CCDC171: variants seen among roughly 807,000 people sequenced by gnomAD.
CCDC171 encodes the protein coiled-coil domain-containing protein 171.
CCDC171 carries 177 observed loss-of-function variants against 168.2 expected under a neutral mutation model. The observed-to-expected ratio is 1.05, with a 90% CI of 0.93 to 1.19. The LOEUF is 1.19. Among genes scored for constraint, CCDC171 ranks in the 50% most tolerant of loss-of-function variants. The pLI is 0.00. For missense variants in CCDC171, 1,991 were observed against 1,539.0 expected, an observed-to-expected ratio of 1.29 and a Z score of -4.91; for synonymous variants, 687 against 540.8, an observed-to-expected ratio of 1.27 and a Z score of -3.75.
At chr9:16,006,944 C>A (rs916988371) in intron 3 of CCDC171, among the ~76,000 whole-genome samples, 3 of 152,170 alleles carry the variant, frequency 2.0e-5, no homozygotes, top group African/African-American at 7.2e-5. Context: ...TGGGTATATA[C>A]CCAGTAATGG....
At chr9:15,939,215 A>G (rs572230694) in intron 25 of CCDC171, among the ~76,000 whole-genome samples, 25 of 151,572 alleles carry the variant, frequency 1.6e-4, no homozygotes, top group African/African-American at 4.8e-4. Context: ...TATTCTCACT[A>G]TTTCATGGTA....
intron 22 of CCDC171, 25 bp downstream of exon 22, chr9:15,846,872 T>C (rs556332682): frequency 1.3e-6 from 2 of 1,584,558 alleles, no homozygotes; most frequent in Non-Finnish European, 8.6e-7. Flanking sequence ...CTTGGGGAGA[T>C]CACTTAAAAC....
At chr9:15,854,440 A>T (rs2061268944) in intron 23 of CCDC171, among the ~76,000 whole-genome samples, 1 of 151,284 alleles carries the variant, frequency 6.6e-6, no homozygotes, top group African/African-American at 2.4e-5. Context: ...TAATGTCCTC[A>T]TTTTTATTTC....
intron 7 of CCDC171, among the ~76,000 whole-genome samples, chr9:15,647,537 A>G (rs1438589939): frequency 6.6e-6 from 1 of 152,196 alleles, no homozygotes; most frequent in African/African-American, 2.4e-5. Flanking sequence ...AGAATCAAAT[A>G]GACACAATAA....
chr9:15,724,988 G>T lies in CCDC171; in HGVS notation c.1692+12G>T, dbSNP rs751898287. 39 of 1,596,450 alleles carry T rather than the reference G, an allele frequency of 2.4e-5. No individual in the cohort carries two copies. The South Asian group carries it at 4.1e-4, about 17-fold the overall frequency. On this transcript the variant is annotated intron_variant, in intron 14 of 25. Coordinates refer to ENST00000380701, the MANE Select transcript of CCDC171 (RefSeq NM_173550.4). ...ATAAGGATGCAGAGGTATTACCTGA[G>T]ACTCAATGACTGTCAGGAAGGGCCT...
rs540869147 is a variant in CCDC171 at position 15,744,614 on chromosome 9, G to T, written c.2391G>T (p.Leu797Phe). The T allele has an allele frequency of 6.2e-7, 1 of 1,614,160 alleles. No individual in the cohort carries two copies. Among genetic ancestry groups the T allele is most frequent in the Admixed American group, 1.7e-5 (1 of 60,006 alleles). ...TGAAAAAGAAAACATTCAAAGGATT[G>T]ATACGTATATTTCGGAAAGGTGTTA... is the stretch of plus-strand genomic sequence containing the variant. The part of the protein sequence containing the change: ...AKMKKKTFKG[L>F]IRIFRKGVIA... The change falls in exon 17 of 26, where the codon TTG (leucine) becomes TTT (phenylalanine). Residue 797 changes from leucine (L) to phenylalanine (F), a missense_variant. By Grantham distance (22) the Leu-to-Phe change is conservative (BLOSUM62 0). Coordinates refer to ENST00000380701, the MANE Select transcript of CCDC171 (RefSeq NM_173550.4).
chr9:15,675,308 G>A (rs1304084478), intron 9 of CCDC171, among the ~76,000 whole-genome samples: 2 of 150,256 alleles, frequency 1.3e-5, no homozygotes, highest in African/African-American at 4.9e-5. Flanking sequence ...CACACTGATG[G>A]GTCTTGACTC....
intron 3 of CCDC171, among the ~76,000 whole-genome samples, chr9:16,012,839 G>A (rs1225703269): frequency 6.6e-6 from 1 of 152,084 alleles, no homozygotes; most frequent in African/African-American, 2.4e-5. Context: ...TGCTGTGCAT[G>A]GGTGGAGAGG....
In CCDC171 at chr9:15,784,808, C is replaced by T. The variant is rs891423530; in HGVS notation, c.3267+114C>T. 4.0e-6 allele frequency: 3 copies of T among 758,878 alleles called. No individual in the cohort carries two copies. The African/African-American group carries it at 5.4e-5, about 14-fold the overall frequency. 47.0% of individuals were successfully genotyped at this position (758,878 alleles called of 1,614,324 possible). On this transcript the variant is annotated intron_variant, in intron 21 of 25. Transcript: ENST00000380701. ...AGATCCCAAGATGTAAAATTTTATTCTATGAGGATAGAATGAAACATGTTT... is the reference window on the plus strand; with the variant it reads ...AGATCCCAAGATGTAAAATTTTATTTTATGAGGATAGAATGAAACATGTTT...
intron 16 of CCDC171, among the ~76,000 whole-genome samples, chr9:15,742,529 T>C (rs1440180797): frequency 6.6e-6 from 1 of 152,218 alleles, no homozygotes; most frequent in East Asian, 1.9e-4. Context: ...AAGAGGGTTG[T>C]CGCACATCCT....
intron 25 of CCDC171, among the ~76,000 whole-genome samples, chr9:15,926,061 G>A (rs537871704): frequency 7.6e-6 from 1 of 131,562 alleles, no homozygotes; most frequent in Non-Finnish European, 1.8e-5. Flanking sequence ...ACAAAAATAG[G>A]CATATAAAAA....
In CCDC171 at chr9:15,733,899, C is replaced by G. The variant is rs374842410; in HGVS notation, c.2049+4101C>G. On this transcript the variant is annotated intron_variant, in intron 16 of 25. Transcript: ENST00000380701. ...TCCCCCACCTCAGCCTCCCAAGTAG[C>G]TGGGACTGTAGGCATGCACTACCAT... Among the ~76,000 whole-genome samples the G allele has an allele frequency of 2.6e-5, 4 of 152,222 alleles. 1 individual carries two copies. The highest frequency in any genetic ancestry group is 1.3e-4 in the Admixed American group (2 of 15,294).
rs150434235 is a variant in CCDC171, at chr9:15,684,775, TTAAAGA to T, written c.1215+5882_1215+5887del. The stretch of plus-strand genomic sequence containing the variant: ...TTTGTTATCTCATTTTTCTTTCTGG[TTAAAGA>T]TATTTTTTAACCAACATTGACTCCT... On this transcript the variant is annotated intron_variant, in intron 10 of 25. Transcript: ENST00000380701. Among the ~76,000 whole-genome samples, 1,277 of 152,310 alleles carry T rather than the reference TTAAAGA, an allele frequency of 8.4e-3. 17 individuals are homozygous for T. The highest frequency in any genetic ancestry group is 0.029 in the African/African-American group (1,214 of 41,568).
chr9:15,604,852 C>T (rs75184707), intron 6 of CCDC171, among the ~76,000 whole-genome samples: 8,868 of 152,146 alleles, frequency 0.058, 340 homozygotes, highest in Middle Eastern at 0.11. Flanking sequence ...TGCAAATACA[C>T]ACAGAAATAA....
intron 9 of CCDC171, among the ~76,000 whole-genome samples, chr9:15,673,019 C>G (rs948701344): frequency 6.6e-6 from 1 of 152,156 alleles, no homozygotes; most frequent in Non-Finnish European, 1.5e-5. Flanking sequence ...TTTGTGTCCT[C>G]TTTTATTTCC....
chr9:15,908,222 A>G (rs1823019844), intron 24 of CCDC171, among the ~76,000 whole-genome samples: 1 of 152,200 alleles, frequency 6.6e-6, no homozygotes, highest in African/African-American at 2.4e-5. Context: ...TTATTGTGGC[A>G]CTATTCACGA....
intron 9 of CCDC171, among the ~76,000 whole-genome samples, chr9:15,674,842 T>G (rs1033517737): frequency 6.6e-6 from 1 of 152,182 alleles, no homozygotes; most frequent in African/African-American, 2.4e-5. Flanking sequence ...TTCTGTTGAT[T>G]TGGGGTGGAG....
At chr9:16,044,869 C>G (rs758908490) in intron 1 of CCDC171, among the ~76,000 whole-genome samples, 6 of 152,170 alleles carry the variant, frequency 3.9e-5, no homozygotes, top group Non-Finnish European at 8.8e-5. Context: ...AGCCCTTTCT[C>G]CTTCTTGTTG....
intron 24 of CCDC171, among the ~76,000 whole-genome samples, chr9:15,880,093 T>C (rs1198561474): frequency 6.6e-6 from 1 of 152,186 alleles, no homozygotes; most frequent in African/African-American, 2.4e-5. Context: ...GTTGCTAAGT[T>C]TTAGTCTAAG....
Sources: allele counts gnomAD v4.1 joint callset (sites outside exome capture counted in the v4.1 genomes callset), GRCh38; gene constraint gnomAD v4.1.1; transcripts MANE v1.5; gene names NCBI Gene and HGNC (gene_info 2026-07-23, HGNC 2026-07-21).